Variants in CFAP70 observed in about 807,000 individuals in gnomAD.
CFAP70 encodes cilia and flagella associated protein 70.
Under a neutral mutation model 137.6 loss-of-function variants are expected in CFAP70, and 81 were observed. The ratio of observed to expected loss-of-function variants is 0.59; its 90% confidence interval spans 0.49 to 0.71. The LOEUF is 0.71. CFAP70 is among the 30% of genes least tolerant of loss of function. The pLI is 0.00. For missense variants in CFAP70, 976 were observed against 1,226.7 expected (o/e 0.80, Z 3.05); for synonymous variants, 382 against 423.6 (o/e 0.90, Z 1.20).
rs60294953 is a variant in CFAP70, at chr10:73,309,658, A to AT, written c.1256+499dup. 4.0e-3 allele frequency among the ~76,000 whole-genome samples: 543 copies of AT among 136,334 alleles called. 4 individuals are homozygous for AT. Among genetic ancestry groups the AT allele is most frequent in the African/African-American group, 9.1e-3 (327 of 36,096 alleles). The allele number at this position is 136,334 out of a possible 152,430, so 89.4% of individuals were successfully genotyped here. ...TCTTGTTCATCCGTATTTCCTAAGAATTTTTTTTTTTTTTTAGAGATAGAG... is the reference window on the plus strand; with the variant it reads ...TCTTGTTCATCCGTATTTCCTAAGAATTTTTTTTTTTTTTTTAGAGATAGAG... On this transcript the variant is annotated intron_variant, in intron 12 of 26. Transcript: ENST00000310715.
At chr10:73,285,338 TA>T (rs2047608806) in intron 19 of CFAP70, among the ~76,000 whole-genome samples, 1 of 152,162 alleles carries the variant, frequency 6.6e-6, no homozygotes, top group Admixed American at 6.6e-5. Flanking sequence ...AATGAGAATT[TA>T]AAATGTATAA....
intron 9 of CFAP70, among the ~76,000 whole-genome samples, chr10:73,315,177 A>G (rs1589449650): frequency 6.7e-6 from 1 of 148,766 alleles, no homozygotes; most frequent in South Asian, 2.2e-4. Flanking sequence ...TGATAGTACC[A>G]CTGCACTCTA....
At position 73,275,441 on chromosome 10, in the gene CFAP70, A is replaced by G; in HGVS notation, c.2673+5T>C. The G allele has an allele frequency of 6.3e-7, 1 of 1,589,694 alleles. No individual in the cohort carries two copies. Among genetic ancestry groups the G allele is most frequent in the Non-Finnish European group, 8.5e-7 (1 of 1,170,834 alleles). ...GACTCAAGAGGCTTTAGCAAAAGTC[A>G]TTACCAGGTAGTCCATCTGGGCTGC... On this transcript the variant is annotated splice_donor_5th_base_variant and intron_variant, in intron 22 of 26. Coordinates refer to ENST00000310715, the Ensembl canonical transcript of CFAP70. The surrounding 1 kb of genome is among the most constrained non-coding windows in gnomAD (Gnocchi z 4.0).
chr10:73,269,595 A>C lies in CFAP70; in HGVS notation c.3027+19T>G, dbSNP rs1272779785. 1 of 1,586,142 alleles carries C rather than the reference A, an allele frequency of 6.3e-7. No individual in the cohort carries two copies. The highest frequency in any genetic ancestry group is 1.7e-5 in the Admixed American group (1 of 59,910). On this transcript the variant is annotated intron_variant, in intron 25 of 26. Transcript: ENST00000310715. ...TCTGTGCCCTAAAAGGGCATTGTGT[A>C]AGGATAATAAACACTCACTTTCAGG...
chr10:73,323,996 C>T lies in CFAP70; in HGVS notation c.778-899G>A, dbSNP rs1012160070. Among the ~76,000 whole-genome samples, 8 of 152,188 alleles carry T rather than the reference C, an allele frequency of 5.3e-5. No individual in the cohort carries two copies. In the East Asian group the frequency reaches 5.8e-4, roughly 11 times the overall value. ...GAAGAGAGCAGTGGTTCTCCCAGCA[C>T]GCAGCTGGAGATCTGAGAACGGGCA... On this transcript the variant is annotated intron_variant, in intron 8 of 26. Transcript: ENST00000310715.
chr10:73,291,352 G>A lies in CFAP70; in HGVS notation c.2113C>T (p.Gln705Ter). The stretch of plus-strand genomic sequence containing the variant: ...CCAGTGCTCTTTTGCTTTGTTACTT[G>A]TGCCTGAAGCATCCGTGCCTGAAGC... Residue 705 changes from glutamine to a stop codon, truncating the protein, a stop_gained, in exon 19 of 27, where the codon CAA (glutamine) becomes TAA (stop). Coordinates refer to ENST00000310715, the Ensembl canonical transcript of CFAP70. LOFTEE classifies it high-confidence loss of function. 1 of 1,614,074 alleles carries A rather than the reference G, an allele frequency of 6.2e-7. No homozygotes were observed. Among genetic ancestry groups the A allele is most frequent in the African/African-American group, 1.3e-5 (1 of 75,016 alleles).
intron 16 of CFAP70, among the ~76,000 whole-genome samples, 189 bp from the exon 18 acceptor site, chr10:73,292,203 A>C (rs1306438821): frequency 6.6e-6 from 1 of 152,212 alleles, no homozygotes; most frequent in Admixed American, 6.5e-5. Context: ...TGGTTGAAAA[A>C]AGTATTAATA....
chr10:73,323,689 T>C (rs7897537), intron 8 of CFAP70, among the ~76,000 whole-genome samples: 23,365 of 152,190 alleles, frequency 0.15, 2,941 homozygotes, highest in African/African-American at 0.32. Context: ...GCACCTGGCT[T>C]GGAGGGTCCT....
At chr10:73,288,326 G>A (rs895547854) in intron 19 of CFAP70, among the ~76,000 whole-genome samples, 1 of 152,064 alleles carries the variant, frequency 6.6e-6, no homozygotes, top group Non-Finnish European at 1.5e-5. Context: ...GAAAAATAAA[G>A]CTATAAAAGA....
chr10:73,265,697 C>T (rs975168383), intron 25 of CFAP70, among the ~76,000 whole-genome samples: 10 of 152,174 alleles, frequency 6.6e-5, no homozygotes, highest in Non-Finnish European at 1.5e-4. Context: ...CTTTTAAATA[C>T]CATCTACTCA....
In CFAP70 at chr10:73,345,719, C is replaced by T. The variant is rs537083624; in HGVS notation, c.350-605G>A. 1.8e-4 allele frequency among the ~76,000 whole-genome samples: 27 copies of T among 151,678 alleles called. No homozygotes were observed. In the East Asian group the frequency reaches 4.1e-3, roughly 23 times the overall value. ...GCTGGGGAGGCTGAGGCAGGAGAAT[C>T]GCTTGAACCCAGGGAGGCAGTGAGC... On this transcript the variant is annotated intron_variant, in intron 4 of 26. Transcript: ENST00000310715.
chr10:73,297,007 G>A (rs1226043092), intron 15 of CFAP70, 35 bp downstream of exon 16: 1 of 1,601,786 alleles, frequency 6.2e-7, no homozygotes, highest in East Asian at 2.2e-5. Context: ...ATGCTCTACA[G>A]AGAAAAGAAA....
At chr10:73,316,643 A>G (rs1405196891) in intron 9 of CFAP70, among the ~76,000 whole-genome samples, 1 of 151,612 alleles carries the variant, frequency 6.6e-6, no homozygotes, top group Non-Finnish European at 1.5e-5. Context: ...CCTAACTAAT[A>G]ACAATCTATT....
intron 9 of CFAP70, among the ~76,000 whole-genome samples, chr10:73,314,039 C>T (rs1386038420): frequency 6.6e-6 from 1 of 152,070 alleles, no homozygotes; most frequent in Non-Finnish European, 1.5e-5. Context: ...AACAATTTTT[C>T]CCTAAAAATT....
At chr10:73,322,852 A>G in intron 9 of CFAP70, 111 bp downstream of exon 10, 1 of 891,200 alleles carries the variant, frequency 1.1e-6, no homozygotes, top group Non-Finnish European at 1.6e-6. Flanking sequence ...ATATCCTAGT[A>G]TACCAACTGG....
chr10:73,301,925 A>C, intron 12 of CFAP70, among the ~76,000 whole-genome samples: 1 of 152,314 alleles, frequency 6.6e-6, no homozygotes, highest in East Asian at 1.9e-4. Context: ...AATGAAAGAA[A>C]AGGTGATGGT....
At chr10:73,345,900 A>T (rs1217482815) in intron 4 of CFAP70, among the ~76,000 whole-genome samples, 1 of 151,676 alleles carries the variant, frequency 6.6e-6, no homozygotes, top group African/African-American at 2.4e-5. Flanking sequence ...TCATTTTTTT[A>T]ATTTTATTTT....
At chr10:73,357,552 G>T (rs1219902722) in intron 1 of CFAP70, among the ~76,000 whole-genome samples, 1 of 152,132 alleles carries the variant, frequency 6.6e-6, no homozygotes, top group African/African-American at 2.4e-5. Flanking sequence ...TTAAAGTACA[G>T]ATCTGATCGT....
intron 25 of CFAP70, among the ~76,000 whole-genome samples, chr10:73,265,356 A>G (rs11000569): frequency 0.1 from 15,819 of 151,420 alleles, 1,178 homozygotes; most frequent in East Asian, 0.29. Flanking sequence ...GAAGAGATTC[A>G]TGTATATTTT....
Sources: gnomAD v4.1 joint callset for allele counts (sites outside exome capture counted in the v4.1 genomes callset) on GRCh38, gnomAD v4.1.1 for gene constraint, Gnocchi (gnomAD v3.1) non-coding constraint, MANE v1.5 for transcripts, NCBI Gene and HGNC (gene_info 2026-07-23, HGNC 2026-07-21) for gene names.